MBTD1: variants seen among roughly 807,000 people sequenced by gnomAD.
The protein encoded by MBTD1 is mbt domain containing 1.
A neutral mutation model predicts 87.8 loss-of-function variants in MBTD1; 24 were observed. The ratio of observed to expected loss-of-function variants is 0.27; its 90% confidence interval spans 0.20 to 0.38. MBTD1 has a LOEUF of 0.38. MBTD1 is among the 10% of genes least tolerant of loss of function. The pLI, the probability that MBTD1 is intolerant of heterozygous loss-of-function variation, is 1.00. For synonymous variants in MBTD1, 237 were observed against 248.6 expected, an observed-to-expected ratio of 0.95 and a Z score of 0.44; for missense variants, 436 against 760.2, an observed-to-expected ratio of 0.57 and a Z score of 5.02.
At chr17:51,251,967 G>C (rs1320875477) in intron 2 of MBTD1, among the ~76,000 whole-genome samples, 1 of 152,192 alleles carries the variant, frequency 6.6e-6, no homozygotes, top group Non-Finnish European at 1.5e-5. Flanking sequence ...GTTTCGCCAT[G>C]TTGGCCAGGC....
chr17:51,211,695 A>G (rs1305577609), intron 6 of MBTD1, among the ~76,000 whole-genome samples: 1 of 151,978 alleles, frequency 6.6e-6, no homozygotes, highest in East Asian at 1.9e-4. Flanking sequence ...GCTACATTGA[A>G]GATTTTAACT....
chr17:51,255,880 T>G (rs8077566), intron 2 of MBTD1, among the ~76,000 whole-genome samples: 120,102 of 152,114 alleles, frequency 0.79, 47,574 homozygotes, highest in South Asian at 0.88. Flanking sequence ...TTACAGGCGT[T>G]AGCCAACACA....
At chr17:51,222,484 A>G (rs1048968303) in intron 3 of MBTD1, among the ~76,000 whole-genome samples, 1 of 152,046 alleles carries the variant, frequency 6.6e-6, no homozygotes, top group Non-Finnish European at 1.5e-5. Context: ...GGCTCACTAC[A>G]ACCTCCGCCT....
At chr17:51,249,572 T>C (rs1014147) in intron 2 of MBTD1, 93,889 of 151,908 alleles carry the variant, frequency 0.62, 29,517 homozygotes, top group African/African-American at 0.73. Context: ...TTCAGTCTTG[T>C]ATTCTTGGGG....
Position 51,180,670 on chromosome 17 carries a change from T to A in MBTD1, c.1793A>T (p.Glu598Val). The change falls in exon 17 of 17, where the codon GAG (glutamate) becomes GTG (valine). Residue 598 changes from glutamate to valine, a missense_variant. Glu to Val is a moderately radical substitution (Grantham distance 121, BLOSUM62 -2). Coordinates refer to ENST00000586178, the MANE Select transcript of MBTD1 (RefSeq NM_017643.3). ...KKMTTLQLKE[E>V]LLDGEDYNFL... ...ATTATAATCCTCTCCATCCAGCAAC[T>A]CCTCCTTCAGCTGCAGTGTTGTCAC... 6.5e-7 allele frequency: 1 copy of A among 1,548,014 alleles called. No homozygotes were observed. Among genetic ancestry groups the A allele is most frequent in the Non-Finnish European group, 8.7e-7 (1 of 1,143,712 alleles).
At chr17:51,257,469 A>C (rs2055158580) in intron 2 of MBTD1, among the ~76,000 whole-genome samples, 1 of 152,218 alleles carries the variant, frequency 6.6e-6, no homozygotes, top group Non-Finnish European at 1.5e-5. Context: ...TCCTTTGATC[A>C]CTATGTTACA....
intron 3 of MBTD1, among the ~76,000 whole-genome samples, chr17:51,224,681 CG>C (rs1253288496): frequency 2.0e-5 from 3 of 152,146 alleles, no homozygotes; most frequent in African/African-American, 7.2e-5. Flanking sequence ...AGCCCAACCT[CG>C]AATGTCTCTT....
chr17:51,260,606 C>T (rs752421820), upstream of MBTD1: 61 of 1,612,376 alleles, frequency 3.8e-5, no homozygotes, highest in Non-Finnish European at 5.0e-5. Context: ...GCGGAGGAGA[C>T]GAATGAAACT....
In MBTD1 at chr17:51,202,633, A is replaced by G; in HGVS notation, c.1063+68T>C. On this transcript the variant is annotated intron_variant, in intron 10 of 16. Transcript: ENST00000586178. Reference sequence around the variant, plus strand: ...TTTCATCTATGCAATTCTGCAGAGAAAAATAACCAACTAGTATAATCAGCC... The same window carrying G: ...TTTCATCTATGCAATTCTGCAGAGAGAAATAACCAACTAGTATAATCAGCC... 5.7e-6 allele frequency: 7 copies of G among 1,217,928 alleles called. No individual in the cohort carries two copies. The East Asian group carries it at 7.0e-5, about 12-fold the overall frequency. The allele number at this position is 1,217,928 out of a possible 1,614,324, so 75.4% of individuals were successfully genotyped here.
At chr17:51,224,280 GA>G (rs1219847647) in intron 3 of MBTD1, among the ~76,000 whole-genome samples, 2 of 152,198 alleles carry the variant, frequency 1.3e-5, no homozygotes, top group Admixed American at 1.3e-4. Flanking sequence ...CACCATGAGA[GA>G]AATGGTTGAA....
intron 16 of MBTD1, among the ~76,000 whole-genome samples, chr17:51,189,676 T>G (rs2050708364): frequency 6.6e-6 from 1 of 152,250 alleles, no homozygotes; most frequent in African/African-American, 2.4e-5. Context: ...AAACCATTTT[T>G]AATTTGACAT....
rs1568135500 is a variant in MBTD1 at position 51,179,487 on chromosome 17, T to TAC, written c.*1088_*1089insGT. On this transcript the variant is annotated 3_prime_UTR_variant, in exon 17 of 17. Coordinates refer to ENST00000586178, the MANE Select transcript of MBTD1 (RefSeq NM_017643.3). ...CTGAATACAATTAAAGACAATTTTA[T>TAC]ATATATATATATATATATATATATA... 8 of 15,570 alleles carry TAC rather than the reference T, an allele frequency of 5.1e-4. 1 individual carries two copies. Among genetic ancestry groups the TAC allele is most frequent in the African/African-American group, 1.5e-3 (7 of 4,678 alleles). 1.0% of individuals were successfully genotyped at this position (15,570 alleles called of 1,614,324 possible).
At chr17:51,251,622 T>G (rs150262080) in intron 2 of MBTD1, 3 of 152,300 alleles carry the variant, frequency 2.0e-5, no homozygotes, top group African/African-American at 7.2e-5. Flanking sequence ...TCTTAACACC[T>G]AGAGGAATGA....
chr17:51,240,415 G>A (rs1231991201), intron 2 of MBTD1, among the ~76,000 whole-genome samples: 1 of 152,170 alleles, frequency 6.6e-6, no homozygotes, highest in Admixed American at 6.5e-5. Context: ...TCTTGGTTGT[G>A]AGAATTTCTC....
chr17:51,232,373 C>T lies in MBTD1; in HGVS notation c.-48-7164G>A, dbSNP rs1348951058. On this transcript the variant is annotated intron_variant, in intron 2 of 16. Coordinates refer to ENST00000586178, the MANE Select transcript of MBTD1 (RefSeq NM_017643.3). ...AATAGCAAACACATAATAAGTAATC[C>T]ACCATGAGCAAGCATCAGCAGAAAC... 2.0e-5 allele frequency among the ~76,000 whole-genome samples: 3 copies of T among 151,972 alleles called. No individual in the cohort carries two copies. In the East Asian group the frequency reaches 5.8e-4, roughly 29 times the overall value.
At position 51,197,077 on chromosome 17, in the gene MBTD1, T is replaced by G. The variant is rs1425268423; in HGVS notation, c.1225-1716A>C. ...ATATATATATATATATATATATATA[T>G]ATATATATATATATATATATATATA... On this transcript the variant is annotated intron_variant, in intron 12 of 16. Coordinates refer to ENST00000586178, the MANE Select transcript of MBTD1 (RefSeq NM_017643.3). Among the ~76,000 whole-genome samples, 49 of 11,436 alleles carry G rather than the reference T, an allele frequency of 4.3e-3. 1 individual carries two copies. The highest frequency in any genetic ancestry group is 0.026 in the African/African-American group (38 of 1,452). 7.5% of individuals were successfully genotyped at this position (11,436 alleles called of 152,430 possible).
At chr17:51,260,922 C>T (rs1052635629), upstream of MBTD1, 21 of 1,574,302 alleles carry the variant, frequency 1.3e-5, no homozygotes, top group Non-Finnish European at 1.8e-5. Context: ...CTGCGAGGCC[C>T]GAGGGTGAGG....
At position 51,192,290 on chromosome 17, in the gene MBTD1, A is replaced by T; in HGVS notation, c.1691-10T>A. 1 of 1,539,916 alleles carries T rather than the reference A, an allele frequency of 6.5e-7. No individual in the cohort carries two copies. Among genetic ancestry groups the T allele is most frequent in the Non-Finnish European group, 8.8e-7 (1 of 1,137,150 alleles). On this transcript the variant is annotated splice_polypyrimidine_tract_variant and intron_variant, in intron 15 of 16. Transcript: ENST00000586178. ...TGGTTTTCTCTTGATGCTGAAAAAT[A>T]AAAAGGGAAAATTGGTACTAGATAA...
chr17:51,259,156 G>T lies in MBTD1; in HGVS notation c.-62C>A. 2 of 749,232 alleles carry T rather than the reference G, an allele frequency of 2.7e-6. No individual in the cohort carries two copies. Among genetic ancestry groups the T allele is most frequent in the Non-Finnish European group, 3.7e-6 (2 of 546,662 alleles). 46.4% of individuals were successfully genotyped at this position (749,232 alleles called of 1,614,324 possible). On this transcript the variant is annotated 5_prime_UTR_variant, in exon 2 of 17. Coordinates refer to ENST00000586178, the MANE Select transcript of MBTD1 (RefSeq NM_017643.3). ...CAGACTACCTACCACTTGTCAGAGA[G>T]GCTGCAGAGGGGACGGCTGCTTTGG...
Sources: allele counts gnomAD v4.1 joint callset (sites outside exome capture counted in the v4.1 genomes callset), GRCh38; gene constraint gnomAD v4.1.1; transcripts MANE v1.5; gene names NCBI Gene and HGNC (gene_info 2026-07-23, HGNC 2026-07-21).